Variants in CPA3 observed in about 807,000 individuals in gnomAD.
CPA3 encodes the protein mast cell carboxypeptidase A.
CPA3 carries 52 observed loss-of-function variants against 55.8 expected under a neutral mutation model. The observed-to-expected ratio is 0.93, with a 90% confidence interval of 0.75 to 1.17. The LOEUF (loss-of-function observed/expected upper bound fraction) is 1.17, where lower values mean the gene tolerates loss of function less well. CPA3 is among the 50% of genes most tolerant of loss of function. The pLI, the probability that CPA3 is intolerant of heterozygous loss-of-function variation, is 0.00. For missense variants in CPA3, 547 were observed against 509.1 expected (o/e 1.07, Z -0.72); for synonymous variants, 179 against 171.2 (o/e 1.05, Z -0.36).
chr3:148,879,349 C>T (rs139722965), intron 5 of CPA3, among the ~76,000 whole-genome samples: 211 of 152,238 alleles, frequency 1.4e-3, no homozygotes, highest in Admixed American at 9.7e-3. Flanking sequence ...ATTCAAGTAT[C>T]CAGTACTATT....
At chr3:148,868,607 A>G (rs556324416) in intron 2 of CPA3, among the ~76,000 whole-genome samples, 1 of 152,116 alleles carries the variant, frequency 6.6e-6, no homozygotes, top group South Asian at 2.1e-4. Flanking sequence ...ATCCCATTCA[A>G]TCCCAAAATT....
Position 148,896,563 on chromosome 3 carries a change from C to T in CPA3, c.1110C>T (p.Gly370=). ...CTTTAGACTGGGCTTATGACCTGGGCATCAAACACACATTTGCCTTTGAGC... is the reference window on the plus strand; with the variant it reads ...CTTTAGACTGGGCTTATGACCTGGGTATCAAACACACATTTGCCTTTGAGC... ...GSSLDWAYDL[G]IKHTFAFELR... is the part of the protein sequence containing the mutation. The change falls in exon 11 of 11, where the codon GGC becomes GGT. Residue 370 remains glycine (G), a synonymous_variant. Transcript: ENST00000296046. The T allele has an allele frequency of 1.9e-6, 3 of 1,564,240 alleles. No homozygotes were observed. The highest frequency in any genetic ancestry group is 2.3e-5 in the South Asian group (2 of 85,736).
intron 4 of CPA3, 52 bp downstream of exon 4, chr3:148,878,595 G>A: frequency 6.4e-7 from 1 of 1,564,548 alleles, no homozygotes; most frequent in South Asian, 1.1e-5. Context: ...AATATTTATT[G>A]TCATTTTGTT....
intron 8 of CPA3, 94 bp downstream of exon 8, chr3:148,882,689 T>A (rs1001790285): frequency 1.0e-6 from 1 of 961,056 alleles, no homozygotes; most frequent in Non-Finnish European, 1.6e-6. Context: ...TAAAAATAGT[T>A]ATGCTTTGAG....
intron 3 of CPA3, among the ~76,000 whole-genome samples, chr3:148,874,065 T>A (rs1714143675): frequency 6.6e-6 from 1 of 152,236 alleles, no homozygotes; most frequent in Non-Finnish European, 1.5e-5. Context: ...GAAAATAACA[T>A]CTGGCCCCAG....
intron 3 of CPA3, among the ~76,000 whole-genome samples, chr3:148,873,025 TACACACACACACAC>T (rs10536988): frequency 2.9e-5 from 3 of 103,860 alleles, no homozygotes; most frequent in African/African-American, 8.7e-5. Flanking sequence ...CTTCTATGAA[TACACACACACACAC>T]ACACACACAC....
At chr3:148,895,576 A>G (rs1160242525) in intron 10 of CPA3, among the ~76,000 whole-genome samples, 1 of 152,140 alleles carries the variant, frequency 6.6e-6, no homozygotes, top group African/African-American at 2.4e-5. Context: ...GCATTTTTGT[A>G]CCCTGCAACA....
chr3:148,891,730 T>C (rs1008251158), intron 10 of CPA3, among the ~76,000 whole-genome samples: 10 of 152,128 alleles, frequency 6.6e-5, no homozygotes, highest in Admixed American at 5.2e-4. Context: ...CCACATAAAG[T>C]AAATCTCTCA....
At chr3:148,874,477 G>T (rs1022892034) in intron 3 of CPA3, among the ~76,000 whole-genome samples, 1 of 152,084 alleles carries the variant, frequency 6.6e-6, no homozygotes, top group Non-Finnish European at 1.5e-5. Context: ...ACCTTCCCGG[G>T]TTTTGTGTGA....
At chr3:148,893,898 C>T (rs1321042057) in intron 10 of CPA3, among the ~76,000 whole-genome samples, 2 of 152,086 alleles carry the variant, frequency 1.3e-5, no homozygotes, top group Non-Finnish European at 2.9e-5. Flanking sequence ...ACCTATCAAC[C>T]CTAAATTCAA....
chr3:148,881,043 G>T (rs974274684), intron 6 of CPA3, among the ~76,000 whole-genome samples: 6 of 152,046 alleles, frequency 3.9e-5, no homozygotes, highest in Admixed American at 3.9e-4. Flanking sequence ...AAAAAAAGTT[G>T]TTCAATCTCT....
At chr3:148,866,003 TA>T (rs1559964967) in intron 2 of CPA3, among the ~76,000 whole-genome samples, 1 of 152,210 alleles carries the variant, frequency 6.6e-6, no homozygotes, top group African/African-American at 2.4e-5. Context: ...ATAAGACTTT[TA>T]AAGTTAGATC....
chr3:148,887,602 G>A (rs1002617809), intron 10 of CPA3, among the ~76,000 whole-genome samples: 2 of 152,102 alleles, frequency 1.3e-5, no homozygotes, highest in Admixed American at 6.5e-5. Flanking sequence ...GAGTATCACC[G>A]AAGACAATTA....
chr3:148,885,754 G>A (rs757316336), intron 9 of CPA3, among the ~76,000 whole-genome samples: 8 of 151,942 alleles, frequency 5.3e-5, no homozygotes, highest in Non-Finnish European at 8.8e-5. Flanking sequence ...TAAGTTTCTC[G>A]TTTAACCATT....
chr3:148,878,785 G>T (rs763703343), intron 5 of CPA3, 37 bp downstream of exon 5: 1 of 1,228,792 alleles, frequency 8.1e-7, no homozygotes, highest in East Asian at 2.3e-5. Context: ...TCTTATTACT[G>T]TTGAAAAACA....
At position 148,875,164 on chromosome 3, in the gene CPA3, T is replaced by C. The variant is rs529296911; in HGVS notation, c.270-3277T>C. Among the ~76,000 whole-genome samples, 69 of 152,220 alleles carry C rather than the reference T, an allele frequency of 4.5e-4. 2 individuals carry two copies. The South Asian group carries it at 0.014, about 31-fold the overall frequency. On this transcript the variant is annotated intron_variant, in intron 3 of 10. Transcript: ENST00000296046. Reference sequence around the variant, plus strand: ...GATTTATAGTGACGGAAAGAGTACATGATATTGTCCCAAAGACTAGAGTGA... The same window carrying C: ...GATTTATAGTGACGGAAAGAGTACACGATATTGTCCCAAAGACTAGAGTGA...
chr3:148,877,110 AG>A (rs1358196640), intron 3 of CPA3, among the ~76,000 whole-genome samples: 6 of 152,234 alleles, frequency 3.9e-5, no homozygotes, highest in Admixed American at 3.9e-4. Flanking sequence ...TAGAGTTCAG[AG>A]GAGAGTCAAG....
chr3:148,886,784 G>A (rs765146255), intron 10 of CPA3, among the ~76,000 whole-genome samples: 6 of 152,206 alleles, frequency 3.9e-5, no homozygotes, highest in Admixed American at 2.0e-4. Flanking sequence ...TACTTGCCTT[G>A]TCTACATGTA....
At chr3:148,880,141 A>G (rs889212074) in intron 6 of CPA3, among the ~76,000 whole-genome samples, 1 of 152,202 alleles carries the variant, frequency 6.6e-6, no homozygotes, top group Non-Finnish European at 1.5e-5. Context: ...CTATCACATG[A>G]AAGTTTTTAC....
Sources: gnomAD v4.1 joint callset for allele counts (sites outside exome capture counted in the v4.1 genomes callset) on GRCh38, gnomAD v4.1.1 for gene constraint, MANE v1.5 for transcripts, NCBI Gene and HGNC (gene_info 2026-07-23, HGNC 2026-07-21) for gene names.